The following PRKN variants were observed in gnomAD, a reference collection of about 807,000 sequenced individuals.
PRKN encodes the protein E3 ubiquitin-protein ligase parkin.
PRKN carries 56 observed loss-of-function variants against 59.5 expected under a neutral mutation model. That is an observed-to-expected ratio of 0.94 (90% CI 0.76 to 1.18). The LOEUF (loss-of-function observed/expected upper bound fraction) is 1.18, where lower values mean the gene tolerates loss of function less well. Among genes scored for constraint, PRKN ranks in the 50% most tolerant of loss-of-function variants. The pLI, the probability that PRKN is intolerant of heterozygous loss-of-function variation, is 0.00. For synonymous variants in PRKN, 250 were observed against 222.1 expected (o/e 1.13, Z -1.12); for missense variants, 657 against 596.4 (o/e 1.10, Z -1.06).
chr6:162,450,734 A>G (rs1408321501), intron 1 of PRKN, among the ~76,000 whole-genome samples: 3 of 152,202 alleles, frequency 2.0e-5, no homozygotes, highest in Admixed American at 6.5e-5. Context: ...AAACAAGAAC[A>G]GTCTTTAGAA....
At chr6:162,157,321 A>G (rs1583121142) in intron 4 of PRKN, among the ~76,000 whole-genome samples, 1 of 151,778 alleles carries the variant, frequency 6.6e-6, no homozygotes, top group East Asian at 1.9e-4. Context: ...TTTCACATGT[A>G]GTGCCTTCAT....
rs111938141 is a variant in PRKN, at chr6:161,683,242, G to A, written c.871+102530C>T. Among the ~76,000 whole-genome samples, 794 of 152,226 alleles carry A rather than the reference G, an allele frequency of 5.2e-3. 14 individuals carry two copies. The highest frequency in any genetic ancestry group is 0.018 in the African/African-American group (758 of 41,534). The stretch of plus-strand genomic sequence containing the variant: ...AAGCTTTCACCTGCAGAGAAGGGTC[G>A]GGATGCTGACAGCAGCCCACTGATT... On this transcript the variant is annotated intron_variant, in intron 7 of 11. Transcript: ENST00000366898.
intron 2 of PRKN, among the ~76,000 whole-genome samples, chr6:162,330,196 A>G (rs1044262436): frequency 4.6e-5 from 7 of 152,124 alleles, no homozygotes; most frequent in Non-Finnish European, 8.8e-5. Flanking sequence ...ATGTGCCTCT[A>G]TAATTATGCT....
At position 161,483,779 on chromosome 6, in the gene PRKN, A is replaced by T. The variant is rs1482694091; in HGVS notation, c.1083+65075T>A. ...TAGCAAAGACTTGGAATCAACCCAGATGCCCATCATTGATAGACTGGATAA... is the reference window on the plus strand; with the variant it reads ...TAGCAAAGACTTGGAATCAACCCAGTTGCCCATCATTGATAGACTGGATAA... On this transcript the variant is annotated intron_variant, in intron 9 of 11. Coordinates refer to ENST00000366898, the MANE Select transcript of PRKN (RefSeq NM_004562.3). The surrounding 1 kb of genome is among the most constrained non-coding windows in gnomAD (Gnocchi z 5.0). 6.6e-6 allele frequency among the ~76,000 whole-genome samples: 1 copy of T among 152,198 alleles called. No individual in the cohort carries two copies. The highest frequency in any genetic ancestry group is 1.5e-5 in the Non-Finnish European group (1 of 68,042).
At chr6:162,097,905 C>T (rs924019735) in intron 4 of PRKN, among the ~76,000 whole-genome samples, 2 of 152,184 alleles carry the variant, frequency 1.3e-5, no homozygotes, top group Non-Finnish European at 2.9e-5. Flanking sequence ...TTTTAATTAC[C>T]GATGACTTCA....
At chr6:161,980,145 C>T (rs1020851967) in intron 5 of PRKN, among the ~76,000 whole-genome samples, 1 of 152,144 alleles carries the variant, frequency 6.6e-6, no homozygotes, top group Non-Finnish European at 1.5e-5. Flanking sequence ...ACTTAGTTAC[C>T]CATGATCCTT....
chr6:161,779,440 C>CTT (rs10683923), intron 7 of PRKN, among the ~76,000 whole-genome samples: 19 of 41,838 alleles, frequency 4.5e-4, no homozygotes, highest in African/African-American at 9.0e-4. Flanking sequence ...CTTTTCTTTT[C>CTT]TTTTTTTTTT....
intron 7 of PRKN, among the ~76,000 whole-genome samples, chr6:161,647,970 T>C (rs1348716594): frequency 1.3e-5 from 2 of 152,192 alleles, no homozygotes; most frequent in African/African-American, 4.8e-5. Context: ...TCAATAGAAT[T>C]GGTTTTATGG....
At chr6:161,706,240 G>A (rs1786487900) in intron 7 of PRKN, among the ~76,000 whole-genome samples, 1 of 152,172 alleles carries the variant, frequency 6.6e-6, no homozygotes. Context: ...AAGCCCCACA[G>A]ACCAATTCAC....
Position 161,359,094 on chromosome 6 carries a change from G to A in PRKN, c.1285+994C>T, listed in dbSNP as rs1325524996. On this transcript the variant is annotated intron_variant, in intron 11 of 11. Coordinates refer to ENST00000366898, the MANE Select transcript of PRKN (RefSeq NM_004562.3). The surrounding 1 kb of genome is among the most constrained non-coding windows in gnomAD (Gnocchi z 5.4). ...CAGGCGTGAGCCACCGCGCCCGGCCGCCTTCTGCTCTTTATAGGTGCATGC... is the reference window on the plus strand; with the variant it reads ...CAGGCGTGAGCCACCGCGCCCGGCCACCTTCTGCTCTTTATAGGTGCATGC... Among the ~76,000 whole-genome samples, 7 of 152,014 alleles carry A rather than the reference G, an allele frequency of 4.6e-5. No homozygotes were observed. Among genetic ancestry groups the A allele is most frequent in the East Asian group, 1.9e-4 (1 of 5,180 alleles).
intron 9 of PRKN, among the ~76,000 whole-genome samples, chr6:161,412,999 C>T (rs1191838433): frequency 6.6e-6 from 1 of 152,224 alleles, no homozygotes; most frequent in Non-Finnish European, 1.5e-5. Flanking sequence ...TAATCAGAGA[C>T]AGGCTCTGTC....
At chr6:161,642,341 A>C (rs537992096) in intron 7 of PRKN, among the ~76,000 whole-genome samples, 1 of 152,348 alleles carries the variant, frequency 6.6e-6, no homozygotes, top group East Asian at 1.9e-4. Context: ...AATGTAAATT[A>C]GATATAGATA....
chr6:161,836,070 C>T lies in PRKN; in HGVS notation c.735-50162G>A, dbSNP rs917672353. Among the ~76,000 whole-genome samples, 3 of 152,224 alleles carry T rather than the reference C, an allele frequency of 2.0e-5. No individual in the cohort carries two copies. In the South Asian group the frequency reaches 6.2e-4, roughly 32 times the overall value. On this transcript the variant is annotated intron_variant, in intron 6 of 11. Coordinates refer to ENST00000366898, the MANE Select transcript of PRKN (RefSeq NM_004562.3). Reference sequence around the variant, plus strand: ...TAAAAAGGGGGTGGCCCCTAAATAGCTTCCTTTCTGAAGAGCTCTTGGTGG... The same window carrying T: ...TAAAAAGGGGGTGGCCCCTAAATAGTTTCCTTTCTGAAGAGCTCTTGGTGG...
chr6:162,629,640 C>T (rs972239763), intron 1 of PRKN, among the ~76,000 whole-genome samples: 5 of 152,096 alleles, frequency 3.3e-5, no homozygotes, highest in African/African-American at 1.2e-4. Context: ...TCATTAAAGT[C>T]TGGTAGCCTA....
In PRKN at chr6:161,363,146, G is replaced by C. The variant is rs548869793; in HGVS notation, c.1168-2941C>G. Among the ~76,000 whole-genome samples, 1 of 152,302 alleles carries C rather than the reference G, an allele frequency of 6.6e-6. No homozygotes were observed. Among genetic ancestry groups the C allele is most frequent in the East Asian group, 1.9e-4 (1 of 5,188 alleles). On this transcript the variant is annotated intron_variant, in intron 10 of 11. Transcript: ENST00000366898. This position sits in a 1 kb window ranked among gnomAD's most constrained non-coding sequence, Gnocchi z 4.1. The stretch of plus-strand genomic sequence containing the variant: ...AGTCCCAGGTACTTGGGAGGCTGAG[G>C]CAGGAGAAGTACCTGAACCTGGGGG...
chr6:161,967,282 C>CA (rs11409821), intron 6 of PRKN, among the ~76,000 whole-genome samples: 73,360 of 151,978 alleles, frequency 0.48, 17,844 homozygotes, highest in Middle Eastern at 0.59. Flanking sequence ...ATTTGGTAGG[C>CA]GCATCATTGC....
At chr6:162,624,741 G>A (rs1459281120) in intron 1 of PRKN, among the ~76,000 whole-genome samples, 1 of 152,136 alleles carries the variant, frequency 6.6e-6, no homozygotes, top group Non-Finnish European at 1.5e-5. Flanking sequence ...GTCTCCTCTT[G>A]AACTCCTGGC....
intron 7 of PRKN, among the ~76,000 whole-genome samples, chr6:161,720,027 C>T (rs1787154396): frequency 1.3e-5 from 2 of 152,262 alleles, no homozygotes; most frequent in South Asian, 4.2e-4. Context: ...TCCAGTTTTC[C>T]GTGGTTCTGC....
intron 6 of PRKN, among the ~76,000 whole-genome samples, chr6:161,837,051 G>A (rs1298604488): frequency 1.3e-5 from 2 of 152,120 alleles, no homozygotes; most frequent in Non-Finnish European, 2.9e-5. Flanking sequence ...CTGTCTTAAG[G>A]AATGGGCACT....
Sources: gnomAD v4.1 joint callset for allele counts (sites outside exome capture counted in the v4.1 genomes callset) on GRCh38, gnomAD v4.1.1 for gene constraint, Gnocchi (gnomAD v3.1) non-coding constraint, MANE v1.5 for transcripts, NCBI Gene and HGNC (gene_info 2026-07-23, HGNC 2026-07-21) for gene names.